ADGRG3: variants seen among roughly 807,000 people sequenced by gnomAD.
ADGRG3 encodes adhesion G protein-coupled receptor G3.
ADGRG3 carries 39 observed loss-of-function variants against 54.3 expected under a neutral mutation model. That is an observed-to-expected ratio of 0.72 (90% CI 0.56 to 0.94). The LOEUF is 0.94. Ranked by LOEUF, ADGRG3 falls within the 40% of genes least tolerant of loss-of-function variation. The probability of loss-of-function intolerance (pLI) is 0.00; values close to 1 mark genes in which losing one functional copy is unlikely to be tolerated. For missense variants in ADGRG3, 654 were observed against 694.6 expected, an observed-to-expected ratio of 0.94 and a Z score of 0.66; for synonymous variants, 312 against 290.0, an observed-to-expected ratio of 1.08 and a Z score of -0.77.
rs750915580 is a variant in ADGRG3 at position 57,678,340 on chromosome 16, G to T, written c.492+24G>T. 8.1e-6 allele frequency: 13 copies of T among 1,613,496 alleles called. No homozygotes were observed. In the South Asian group the frequency reaches 1.4e-4, roughly 18 times the overall value. Reference sequence around the variant, plus strand: ...AGGTGAGGACTCAGGGAAGCTCCAAGGTTAAGTGCTAGGTCCTCTGGGGGC... The same window carrying T: ...AGGTGAGGACTCAGGGAAGCTCCAATGTTAAGTGCTAGGTCCTCTGGGGGC... On this transcript the variant is annotated intron_variant, in intron 4 of 11. Transcript: ENST00000333493.
chr16:57,668,811 G>A (rs1317079291), intron 1 of ADGRG3, among the ~76,000 whole-genome samples: 2 of 152,178 alleles, frequency 1.3e-5, no homozygotes, highest in East Asian at 3.8e-4. Context: ...TGGAAGCTGA[G>A]GCCAGGAAGG....
chr16:57,675,118 G>T (rs895911808), intron 2 of ADGRG3, among the ~76,000 whole-genome samples: 1 of 151,502 alleles, frequency 6.6e-6, no homozygotes, highest in African/African-American at 2.4e-5. Flanking sequence ...TCCCTCAATG[G>T]ATAACGGCAT....
At position 57,684,472 on chromosome 16, in the gene ADGRG3, C is replaced by G; in HGVS notation, c.1245C>G (p.Thr415=). Residue 415 remains threonine, a synonymous_variant, in exon 10 of 12, where the codon ACC becomes ACG. Coordinates refer to ENST00000333493, the MANE Select transcript of ADGRG3 (RefSeq NM_170776.5). ...LYTIRDRENR[T]SLELCWFREG... is the part of the protein sequence containing the mutation. ...CCATCCGTGATAGGGAGAACCGCAC[C>G]TCTCTGGAGCTGTGAGTGGCGGCTG... 1.9e-6 allele frequency: 3 copies of G among 1,612,888 alleles called. No individual in the cohort carries two copies. Among genetic ancestry groups the G allele is most frequent in the Non-Finnish European group, 2.5e-6 (3 of 1,179,094 alleles).
chr16:57,678,644 C>T (rs529387323), intron 4 of ADGRG3: 8 of 395,294 alleles, frequency 2.0e-5, no homozygotes, highest in East Asian at 5.0e-5. Context: ...TTCTTGTGCA[C>T]GCACAAGCCC....
At chr16:57,671,565 C>T (rs1296296308) in intron 1 of ADGRG3, among the ~76,000 whole-genome samples, 1 of 152,034 alleles carries the variant, frequency 6.6e-6, no homozygotes, top group African/African-American at 2.4e-5. Flanking sequence ...AAACTCCTGA[C>T]CTCAGGTGAT....
chr16:57,676,170 T>C (rs1339348799), intron 2 of ADGRG3, 30 bp from the exon 3 acceptor site: 2 of 1,609,926 alleles, frequency 1.2e-6, no homozygotes, highest in South Asian at 2.2e-5. Context: ...TGCAGGATCC[T>C]ACCCTCCCCC....
intron 8 of ADGRG3, 145 bp from the exon 9 acceptor site, chr16:57,683,787 G>C (rs774732475): frequency 6.8e-6 from 4 of 584,800 alleles, no homozygotes; most frequent in South Asian, 3.5e-5. Flanking sequence ...TCTGGCTGCC[G>C]GCAGGGATGG....
intron 1 of ADGRG3, among the ~76,000 whole-genome samples, chr16:57,671,948 C>G (rs1296197883): frequency 6.6e-6 from 1 of 152,124 alleles, no homozygotes; most frequent in Non-Finnish European, 1.5e-5. Context: ...CGCTTGAGCC[C>G]AGGGGTTTGA....
In ADGRG3 at chr16:57,684,076, G is replaced by A. The variant is rs2048426061; in HGVS notation, c.1026G>A (p.Gly342=). The change falls in exon 9 of 12, where the codon GGG becomes GGA. Residue 342 remains glycine, a synonymous_variant. Transcript: ENST00000333493. ...CTGATGCTGCCTGCTGGGCCCGGGG[G>A]GCTGTCTTCCACTACTTCCTGCTCT... ...KGSDAACWAR[G]AVFHYFLLCA... is the part of the protein sequence containing the mutation. 1.9e-6 allele frequency: 3 copies of A among 1,614,076 alleles called. No homozygotes were observed. The highest frequency in any genetic ancestry group is 1.7e-6 in the Non-Finnish European group (2 of 1,179,984).
intron 11 of ADGRG3, among the ~76,000 whole-genome samples, chr16:57,687,477 C>T (rs1264264121): frequency 6.6e-6 from 1 of 152,174 alleles, no homozygotes; most frequent in African/African-American, 2.4e-5. Flanking sequence ...GTCTCAAACT[C>T]CTGACCTCAG....
chr16:57,678,409 A>C, intron 4 of ADGRG3, 93 bp downstream of exon 4: 1 of 1,300,462 alleles, frequency 7.7e-7, no homozygotes, highest in Non-Finnish European at 1.1e-6. Context: ...CGAGGGATCC[A>C]ATGGGGACAG....
rs572926059 is a variant in ADGRG3 at position 57,688,074 on chromosome 16, T to G, written c.1541-278T>G. 1.1e-4 allele frequency among the ~76,000 whole-genome samples: 16 copies of G among 152,354 alleles called. No individual in the cohort carries two copies. In the East Asian group the frequency reaches 3.1e-3, roughly 29 times the overall value. ...TTTATAGAGGGAGTGATGGTTGTTT[T>G]GTATGTCTGAAAATTCCTCTATTTT... On this transcript the variant is annotated intron_variant, in intron 11 of 11. Coordinates refer to ENST00000333493, the MANE Select transcript of ADGRG3 (RefSeq NM_170776.5).
chr16:57,669,901 G>A (rs993829116), intron 1 of ADGRG3, among the ~76,000 whole-genome samples: 5 of 152,322 alleles, frequency 3.3e-5, no homozygotes, highest in African/African-American at 1.2e-4. Context: ...TGACAAAGGT[G>A]CGGGCAGGGC....
intron 11 of ADGRG3, among the ~76,000 whole-genome samples, chr16:57,687,117 T>C (rs1246040176): frequency 2.6e-5 from 4 of 152,164 alleles, no homozygotes; most frequent in African/African-American, 9.7e-5. Flanking sequence ...CCATGAGAGA[T>C]GTGTGGCTTA....
chr16:57,668,397 C>G lies in ADGRG3; in HGVS notation c.50C>G (p.Pro17Arg), dbSNP rs760029474. The G allele has an allele frequency of 7.0e-6, 11 of 1,572,692 alleles. No individual in the cohort carries two copies. In the South Asian group the frequency reaches 1.2e-4, roughly 17 times the overall value. ...GCCCTGCTCCTGCTCCTCCTGCTCC[C>G]GACCTCAGGTGAGTGGCTGGCACCT... ...LGALLLLLLL[P>R]TSGQEKPTEG... Residue 17 changes from proline to arginine, a missense_variant, in exon 1 of 12, where the codon CCG becomes CGG. Coordinates refer to ENST00000333493, the MANE Select transcript of ADGRG3 (RefSeq NM_170776.5).
At chr16:57,669,869 G>A (rs1281353981) in intron 1 of ADGRG3, among the ~76,000 whole-genome samples, 1 of 152,182 alleles carries the variant, frequency 6.6e-6, no homozygotes, top group Non-Finnish European at 1.5e-5. Flanking sequence ...ATGCAATGGA[G>A]GGCCTGGCAT....
chr16:57,674,645 C>T, intron 2 of ADGRG3: 1 of 441,466 alleles, frequency 2.3e-6, no homozygotes, highest in Admixed American at 2.5e-5. Flanking sequence ...CTTTGTGCTG[C>T]CCAGGTATAT....
chr16:57,685,845 G>A lies in ADGRG3; in HGVS notation c.1459G>A (p.Gly487Ser). The A allele has an allele frequency of 6.2e-7, 1 of 1,614,114 alleles. No homozygotes were observed. The highest frequency in any genetic ancestry group is 8.5e-7 in the Non-Finnish European group (1 of 1,180,014). Residue 487 changes from glycine (G) to serine (S), a missense_variant, in exon 11 of 12, where the codon GGT becomes AGT. Coordinates refer to ENST00000333493, the MANE Select transcript of ADGRG3 (RefSeq NM_170776.5). Reference sequence around the variant, plus strand: ...CCTGCTGGGCCTCTCGAGCCTGGTGGGTGTGACATGGGGGTTGGCCATCTT... The same window carrying A: ...CCTGCTGGGCCTCTCGAGCCTGGTGAGTGTGACATGGGGGTTGGCCATCTT... Reference protein sequence around the residue: ...LTLLGLSSLVGVTWGLAIFTP... With the variant: ...LTLLGLSSLVSVTWGLAIFTP...
chr16:57,679,174 CA>C lies in ADGRG3; in HGVS notation c.493-2del. ...CTGGCCTCCCCGATCTCCCCTTTCA[CA>C]GGGCCCCCGGCTCGGCCTGGGAGAT... On this transcript the variant is annotated splice_acceptor_variant, in intron 4 of 11. Coordinates refer to ENST00000333493, the MANE Select transcript of ADGRG3 (RefSeq NM_170776.5). LOFTEE classifies it high-confidence loss of function. The C allele has an allele frequency of 6.2e-7, 1 of 1,613,676 alleles. No homozygotes were observed. Among genetic ancestry groups the C allele is most frequent in the Non-Finnish European group, 8.5e-7 (1 of 1,179,860 alleles).
Sources: gnomAD v4.1 joint callset for allele counts (sites outside exome capture counted in the v4.1 genomes callset) on GRCh38, gnomAD v4.1.1 for gene constraint, MANE v1.5 for transcripts, NCBI Gene and HGNC (gene_info 2026-07-23, HGNC 2026-07-21) for gene names.